The following UBXN2B variants were observed in gnomAD, a reference collection of about 807,000 sequenced individuals.
The protein encoded by UBXN2B is UBX domain-containing protein 2B.
A neutral mutation model predicts 37.5 loss-of-function variants in UBXN2B; 19 were observed. The observed-to-expected ratio is 0.51, with a 90% confidence interval of 0.35 to 0.74. The LOEUF is 0.74. Among genes scored for constraint, UBXN2B ranks in the 30% least tolerant of loss-of-function variants. The pLI is 0.01. For missense variants in UBXN2B, 370 were observed against 393.2 expected (o/e 0.94, Z 0.50); for synonymous variants, 145 against 143.8 (o/e 1.01, Z -0.06).
intron 5 of UBXN2B, chr8:58,435,155 GT>G: frequency 7.4e-7 from 1 of 1,351,144 alleles, no homozygotes; most frequent in Non-Finnish European, 9.5e-7. Flanking sequence ...AAGACATAAA[GT>G]TGAGCATAAA....
At chr8:58,421,970 C>A (rs144851216) in intron 2 of UBXN2B, among the ~76,000 whole-genome samples, 436 of 152,234 alleles carry the variant, frequency 2.9e-3, no homozygotes, top group African/African-American at 9.5e-3. Context: ...ATGTTAATAC[C>A]GGAGATATAT....
intron 2 of UBXN2B, among the ~76,000 whole-genome samples, chr8:58,419,712 AG>A (rs1807878336): frequency 6.6e-6 from 1 of 152,256 alleles, no homozygotes; most frequent in South Asian, 2.1e-4. Flanking sequence ...ACAGAAGACA[AG>A]GGACAAAATT....
intron 2 of UBXN2B, among the ~76,000 whole-genome samples, chr8:58,424,400 T>C (rs1321704911): frequency 6.6e-6 from 1 of 152,042 alleles, no homozygotes; most frequent in East Asian, 1.9e-4. Context: ...GAAGCAGGTA[T>C]TGTTGAGTTA....
At chr8:58,443,574 C>T (rs1377910163) in intron 6 of UBXN2B, among the ~76,000 whole-genome samples, 1 of 148,630 alleles carries the variant, frequency 6.7e-6, no homozygotes, top group African/African-American at 2.5e-5. Context: ...AGGCAGATGA[C>T]TTGAGATTAG....
chr8:58,434,341 A>G (rs1342482690), intron 4 of UBXN2B, 54 bp from the exon 5 acceptor site: 1 of 511,284 alleles, frequency 2.0e-6, no homozygotes, highest in African/African-American at 2.3e-5. Context: ...ATTCTTATGT[A>G]TATGTGAATA....
chr8:58,421,738 A>G (rs1807931098), intron 2 of UBXN2B, among the ~76,000 whole-genome samples: 1 of 152,142 alleles, frequency 6.6e-6, no homozygotes, highest in Non-Finnish European at 1.5e-5. Context: ...AAGTAACCTC[A>G]TCTGAGAACC....
At chr8:58,426,080 A>C (rs756446494) in intron 2 of UBXN2B, 6 of 1,389,012 alleles carry the variant, frequency 4.3e-6, no homozygotes, top group Non-Finnish European at 6.1e-6. Flanking sequence ...TTTAAGCTCA[A>C]TAACATCTCC....
At chr8:58,411,491 G>C (rs1272060737) in intron 1 of UBXN2B, 22 bp downstream of exon 1, 4 of 1,249,110 alleles carry the variant, frequency 3.2e-6, no homozygotes, top group African/African-American at 1.6e-5. Context: ...AGCCGGGGGA[G>C]GGAGCGCGGC....
chr8:58,415,606 A>C (rs1807756270), intron 1 of UBXN2B, among the ~76,000 whole-genome samples: 1 of 152,088 alleles, frequency 6.6e-6, no homozygotes, highest in Admixed American at 6.5e-5. Flanking sequence ...GTGATGGAAC[A>C]CATGCTTTGT....
chr8:58,424,714 G>A (rs1486997184), intron 2 of UBXN2B: 29 of 1,357,434 alleles, frequency 2.1e-5, no homozygotes, highest in Admixed American at 1.5e-4. Flanking sequence ...ATCTCCACTC[G>A]TCTGGTCCGC....
intron 2 of UBXN2B, chr8:58,424,535 G>A: frequency 2.4e-6 from 2 of 831,776 alleles, no homozygotes; most frequent in South Asian, 2.9e-5. Flanking sequence ...GATCTTTTTA[G>A]GGAGAGAGTG....
At chr8:58,419,870 A>G (rs1474725087) in intron 2 of UBXN2B, among the ~76,000 whole-genome samples, 1 of 152,212 alleles carries the variant, frequency 6.6e-6, no homozygotes, top group East Asian at 1.9e-4. Context: ...GTGCTATTGC[A>G]CAAGGCCCCA....
At chr8:58,412,637 T>C (rs1469092838) in intron 1 of UBXN2B, among the ~76,000 whole-genome samples, 1 of 152,196 alleles carries the variant, frequency 6.6e-6, no homozygotes, top group East Asian at 1.9e-4. Context: ...ATCTTTCCTA[T>C]TATAAACCCA....
At chr8:58,431,823 G>A (rs1026647759) in intron 3 of UBXN2B, among the ~76,000 whole-genome samples, 2 of 152,104 alleles carry the variant, frequency 1.3e-5, no homozygotes, top group African/African-American at 4.8e-5. Flanking sequence ...ATGTTAATTT[G>A]CATTTTCTTA....
chr8:58,424,921 A>G (rs1161452381), intron 2 of UBXN2B: 4 of 849,542 alleles, frequency 4.7e-6, no homozygotes, highest in Non-Finnish European at 8.3e-6. Context: ...GTTGCAGTCA[A>G]CACCTTTCTC....
chr8:58,451,191 T>G lies in UBXN2B; in HGVS notation c.*3640T>G, dbSNP rs2129604865. Reference sequence around the variant, plus strand: ...TTTTTATCAGTTGAGTGCCTATAGATGCACATACAAAAACAACTGCCATTT... The same window carrying G: ...TTTTTATCAGTTGAGTGCCTATAGAGGCACATACAAAAACAACTGCCATTT... On this transcript the variant is annotated 3_prime_UTR_variant, in exon 8 of 8. Coordinates refer to ENST00000399598, the MANE Select transcript of UBXN2B (RefSeq NM_001077619.2). 6.6e-6 allele frequency: 1 copy of G among 152,584 alleles called. No individual in the cohort carries two copies. Among genetic ancestry groups the G allele is most frequent in the Non-Finnish European group, 1.5e-5 (1 of 68,028 alleles). 9.5% of individuals were successfully genotyped at this position (152,584 alleles called of 1,614,324 possible). A position where few individuals can be genotyped will look rare whatever the true frequency, so the allele number is the denominator to read the frequency against.
At chr8:58,426,859 G>C (rs772251703) in intron 2 of UBXN2B, among the ~76,000 whole-genome samples, 1 of 152,164 alleles carries the variant, frequency 6.6e-6, no homozygotes, top group African/African-American at 2.4e-5. Flanking sequence ...CTGTGCAGCC[G>C]CCCCCTAGGC....
chr8:58,434,129 AG>A (rs979539784), intron 4 of UBXN2B, among the ~76,000 whole-genome samples: 1 of 152,172 alleles, frequency 6.6e-6, no homozygotes, highest in Admixed American at 6.5e-5. Context: ...CTTCGAGGCC[AG>A]GGTCCACCTG....
chr8:58,426,745 C>T (rs1023176543), intron 2 of UBXN2B: 5 of 654,610 alleles, frequency 7.6e-6, no homozygotes, highest in Admixed American at 3.8e-5. Flanking sequence ...CCACTGGGCT[C>T]GGTCACGTTG....
Sources: gnomAD v4.1 joint callset for allele counts (sites outside exome capture counted in the v4.1 genomes callset) on GRCh38, gnomAD v4.1.1 for gene constraint, MANE v1.5 for transcripts, NCBI Gene and HGNC (gene_info 2026-07-23, HGNC 2026-07-21) for gene names.